IKZF2: variants seen among roughly 807,000 people sequenced by gnomAD.
IKZF2 encodes the protein zinc finger protein Helios.
In IKZF2, 15 loss-of-function variants were observed where a neutral mutation model predicts 49.2. The observed-to-expected ratio is 0.30, with a 90% CI of 0.20 to 0.47. IKZF2 has a LOEUF of 0.47. IKZF2 is among the 20% of genes least tolerant of loss of function. The pLI is 1.00. For missense variants in IKZF2, 567 were observed against 664.6 expected (o/e 0.85, Z 1.61); for synonymous variants, 227 against 221.4 (o/e 1.03, Z -0.23).
chr2:213,062,761 T>C (rs937596277), intron 4 of IKZF2, among the ~76,000 whole-genome samples: 1 of 151,984 alleles, frequency 6.6e-6, no homozygotes, highest in Non-Finnish European at 1.5e-5. Context: ...TGAACCAATA[T>C]GGCTATCTAA....
At chr2:213,048,811 C>G (rs1700409090) in intron 6 of IKZF2, among the ~76,000 whole-genome samples, 1 of 151,944 alleles carries the variant, frequency 6.6e-6, no homozygotes, top group African/African-American at 2.4e-5. Context: ...ATACAATAAG[C>G]ATTATCTCAC....
chr2:213,107,559 G>T (rs910628059), intron 4 of IKZF2, among the ~76,000 whole-genome samples: 2 of 152,186 alleles, frequency 1.3e-5, no homozygotes, highest in Admixed American at 1.3e-4. Context: ...AATAGGGAAG[G>T]TATGTAAATC....
At chr2:213,061,717 A>G (rs1701711577) in intron 4 of IKZF2, among the ~76,000 whole-genome samples, 1 of 151,536 alleles carries the variant, frequency 6.6e-6, no homozygotes, top group Admixed American at 6.6e-5. Flanking sequence ...GTCAATAATA[A>G]TAGTAAAGGT....
In IKZF2 at chr2:213,013,836, C is replaced by T. The variant is rs1696257117; in HGVS notation, c.811G>A (p.Gly271Arg). 6.2e-7 allele frequency: 1 copy of T among 1,611,864 alleles called. No homozygotes were observed. The highest frequency in any genetic ancestry group is 8.5e-7 in the Non-Finnish European group (1 of 1,178,472). The part of the protein sequence containing the change: ...ERPAVIEKLT[G>R]NMGKRKSSTP... Reference sequence around the variant, plus strand: ...GAGCTTTTACGTTTTCCCATATTCCCCGTGAGCTTCTCTATGACAGCAGGT... The same window carrying T: ...GAGCTTTTACGTTTTCCCATATTCCTCGTGAGCTTCTCTATGACAGCAGGT... Residue 271 changes from glycine to arginine, a missense_variant, in exon 8 of 9, where the codon GGG (glycine) becomes AGG (arginine). Gly to Arg is a moderately radical substitution (Grantham distance 125, BLOSUM62 -2). Transcript: ENST00000434687.
At chr2:213,056,766 T>A (rs140716141) in intron 5 of IKZF2, 67 bp downstream of exon 5, 1 of 1,576,704 alleles carries the variant, frequency 6.3e-7, no homozygotes, top group Admixed American at 1.7e-5. Context: ...GGAAAGAGAA[T>A]AGATGTCAGG....
Position 213,053,724 on chromosome 2 carries a change from T to C in IKZF2, c.406+3109A>G, listed in dbSNP as rs536059480. ...TGCATGAATTGATTTACTTTCCCTA[T>C]TTGTTTACTCTTCTCTCTATATTCC... is the stretch of plus-strand genomic sequence containing the variant. On this transcript the variant is annotated intron_variant, in intron 5 of 8. Coordinates refer to ENST00000434687, the MANE Select transcript of IKZF2 (RefSeq NM_001387220.1). Among the ~76,000 whole-genome samples the C allele has an allele frequency of 5.6e-4, 86 of 152,336 alleles. 3 individuals are homozygous for C. The South Asian group carries it at 0.017, about 31-fold the overall frequency.
chr2:213,023,134 C>T (rs926474407), intron 6 of IKZF2, among the ~76,000 whole-genome samples: 4 of 152,098 alleles, frequency 2.6e-5, no homozygotes, highest in African/African-American at 9.7e-5. Context: ...GCCCGTGTCT[C>T]TATTTGACTC....
intron 8 of IKZF2, 139 bp downstream of exon 8, chr2:213,013,652 T>C: frequency 1.4e-6 from 1 of 728,324 alleles, no homozygotes; most frequent in Non-Finnish European, 2.2e-6. Context: ...TGTCAGAGAG[T>C]AAAAAAGAAT....
intron 6 of IKZF2, among the ~76,000 whole-genome samples, chr2:213,035,875 A>T (rs1192940948): frequency 6.6e-6 from 1 of 152,178 alleles, no homozygotes; most frequent in Non-Finnish European, 1.5e-5. Flanking sequence ...TGGAGAATAG[A>T]TTGGGAAGCA....
At chr2:213,054,181 G>A (rs1010521980) in intron 5 of IKZF2, among the ~76,000 whole-genome samples, 16 of 151,890 alleles carry the variant, frequency 1.1e-4, no homozygotes, top group African/African-American at 3.9e-4. Context: ...GAGGTGGAGG[G>A]TGCAGTGATC....
chr2:213,132,034 C>T (rs1343796585), intron 4 of IKZF2, among the ~76,000 whole-genome samples: 1 of 151,846 alleles, frequency 6.6e-6, no homozygotes, highest in Non-Finnish European at 1.5e-5. Context: ...TGTATTAGGC[C>T]CTGTGATAAA....
intron 6 of IKZF2, among the ~76,000 whole-genome samples, chr2:213,036,835 T>C (rs1227768446): frequency 3.3e-5 from 5 of 152,326 alleles, no homozygotes; most frequent in Middle Eastern, 3.4e-3. Context: ...CAAGATAGTA[T>C]AGGCTGTGGA....
chr2:213,054,234 AC>A (rs1700942612), intron 5 of IKZF2, among the ~76,000 whole-genome samples: 2 of 151,928 alleles, frequency 1.3e-5, no homozygotes, highest in Non-Finnish European at 2.9e-5. Context: ...ACAGAGCAAG[AC>A]TCCAACTCAA....
chr2:213,070,766 A>T (rs1702614879), intron 4 of IKZF2, among the ~76,000 whole-genome samples: 1 of 152,114 alleles, frequency 6.6e-6, no homozygotes, highest in South Asian at 2.1e-4. Context: ...AGAGGAACTA[A>T]AAGGAAAAGA....
At chr2:213,098,695 C>CG (rs976023753) in intron 4 of IKZF2, among the ~76,000 whole-genome samples, 5 of 152,092 alleles carry the variant, frequency 3.3e-5, no homozygotes, top group Admixed American at 3.3e-4. Flanking sequence ...ATAGAATCAC[C>CG]GCCTTAGGTG....
intron 4 of IKZF2, among the ~76,000 whole-genome samples, chr2:213,086,812 G>A (rs566008797): frequency 1.3e-5 from 2 of 152,210 alleles, no homozygotes; most frequent in African/African-American, 4.8e-5. Context: ...GGAAAAGAGG[G>A]CACCCTTCAC....
chr2:213,073,166 T>C (rs1011132590), intron 4 of IKZF2, among the ~76,000 whole-genome samples: 11 of 152,192 alleles, frequency 7.2e-5, no homozygotes, highest in African/African-American at 2.4e-4. Flanking sequence ...AAATGAAGAC[T>C]GTTTTCCACT....
At chr2:213,014,172 C>G (rs1368859790) in intron 7 of IKZF2, 2 of 287,148 alleles carry the variant, frequency 7.0e-6, no homozygotes, top group Non-Finnish European at 1.3e-5. Context: ...TACACTGTTG[C>G]CACTATTGGT....
chr2:213,038,100 AC>A (rs1699215185), intron 6 of IKZF2, among the ~76,000 whole-genome samples: 1 of 151,176 alleles, frequency 6.6e-6, no homozygotes, highest in African/African-American at 2.4e-5. Context: ...TCACTCTGTC[AC>A]CCAGGCTGGA....
Sources: gnomAD v4.1 joint callset for allele counts (sites outside exome capture counted in the v4.1 genomes callset) on GRCh38, gnomAD v4.1.1 for gene constraint, MANE v1.5 for transcripts, NCBI Gene and HGNC (gene_info 2026-07-23, HGNC 2026-07-21) for gene names.